The following PCGF5 variants were observed in gnomAD, a reference collection of about 807,000 sequenced individuals.
PCGF5 encodes the protein polycomb group ring finger 5.
In PCGF5, 9 loss-of-function variants were observed where a neutral mutation model predicts 44.3. The ratio of observed to expected loss-of-function variants is 0.20; its 90% CI spans 0.12 to 0.35. PCGF5 has a LOEUF of 0.35. Among genes scored for constraint, PCGF5 ranks in the 10% least tolerant of loss-of-function variants. The pLI is 1.00. For missense variants in PCGF5, 146 were observed against 305.3 expected (o/e 0.48, Z 3.89); for synonymous variants, 95 against 102.5 (o/e 0.93, Z 0.44).
intron 3 of PCGF5, among the ~76,000 whole-genome samples, chr10:91,244,613 G>A (rs1193512382): frequency 6.6e-6 from 1 of 152,184 alleles, no homozygotes; most frequent in Admixed American, 6.5e-5. Context: ...AACAAGGCAA[G>A]GGTAGAAGCA....
intron 1 of PCGF5, among the ~76,000 whole-genome samples, chr10:91,186,558 A>G (rs7902611): frequency 0.11 from 10,436 of 97,312 alleles, 959 homozygotes; most frequent in African/African-American, 0.28. Context: ...ATATATATAT[A>G]TGTGTGTGTG....
At chr10:91,171,137 C>G (rs1843596798) in intron 1 of PCGF5, among the ~76,000 whole-genome samples, 1 of 151,030 alleles carries the variant, frequency 6.6e-6, no homozygotes, top group Non-Finnish European at 1.5e-5. Flanking sequence ...AGTGAAACTA[C>G]TCTGTGATAT....
intron 8 of PCGF5, among the ~76,000 whole-genome samples, chr10:91,267,719 C>A: frequency 6.6e-6 from 1 of 152,160 alleles, no homozygotes; most frequent in East Asian, 1.9e-4. Context: ...CTAAAACAAT[C>A]ATTTCTTGAT....
chr10:91,233,806 A>C (rs763514550), intron 2 of PCGF5, among the ~76,000 whole-genome samples: 1 of 152,222 alleles, frequency 6.6e-6, no homozygotes, highest in Non-Finnish European at 1.5e-5. Flanking sequence ...GTGTATGAAG[A>C]TTGTGAACTG....
intron 3 of PCGF5, among the ~76,000 whole-genome samples, chr10:91,241,296 C>T (rs1028026757): frequency 3.3e-5 from 5 of 151,822 alleles, no homozygotes; most frequent in Admixed American, 6.6e-5. Flanking sequence ...CTCAAACTCC[C>T]GACCTCAGGT....
At chr10:91,178,164 G>A (rs7098577) in intron 1 of PCGF5, among the ~76,000 whole-genome samples, 55,878 of 151,918 alleles carry the variant, frequency 0.37, 10,922 homozygotes, top group East Asian at 0.52. Flanking sequence ...AAAAACATTG[G>A]CATAACTGTA....
chr10:91,170,199 A>G (rs1017102351), intron 1 of PCGF5, among the ~76,000 whole-genome samples: 1 of 152,234 alleles, frequency 6.6e-6, no homozygotes, highest in Non-Finnish European at 1.5e-5. Flanking sequence ...GAAAATCTGG[A>G]TGACCTTGGG....
intron 1 of PCGF5, among the ~76,000 whole-genome samples, chr10:91,182,806 G>A (rs574833083): frequency 4.9e-4 from 74 of 152,170 alleles, no homozygotes; most frequent in African/African-American, 1.7e-3. Flanking sequence ...TGAGATTCTG[G>A]TACATTGTAT....
At chr10:91,208,441 A>G (rs1369931942) in intron 1 of PCGF5, among the ~76,000 whole-genome samples, 1 of 152,168 alleles carries the variant, frequency 6.6e-6, no homozygotes. Flanking sequence ...TTAATTGTGT[A>G]TGAATCACCT....
intron 9 of PCGF5, among the ~76,000 whole-genome samples, chr10:91,277,101 T>C (rs1287898368): frequency 1.3e-5 from 2 of 152,228 alleles, no homozygotes; most frequent in Non-Finnish European, 2.9e-5. Context: ...TAGCATCTGC[T>C]GTACTTCACC....
intron 5 of PCGF5, among the ~76,000 whole-genome samples, chr10:91,249,371 GTATATATATATATATATATATA>G (rs3074316): frequency 0.087 from 10,480 of 120,482 alleles, 772 homozygotes; most frequent in East Asian, 0.33. Context: ...GGCTTTTAGT[GTATATATATATATATATATATA>G]TATATATATA....
intron 8 of PCGF5, among the ~76,000 whole-genome samples, chr10:91,266,188 GT>G (rs1011127435): frequency 2.0e-5 from 3 of 152,094 alleles, no homozygotes; most frequent in African/African-American, 7.2e-5. Flanking sequence ...TTCTTTGATA[GT>G]TTAGCGGGCA....
At chr10:91,262,406 C>T (rs770561165) in intron 7 of PCGF5, among the ~76,000 whole-genome samples, 6 of 151,938 alleles carry the variant, frequency 3.9e-5, no homozygotes, top group South Asian at 2.1e-4. Context: ...CCAGCCTGGG[C>T]GACAGAGTGA....
chr10:91,215,276 T>C (rs10881905), upstream of PCGF5, among the ~76,000 whole-genome samples: 43,955 of 152,128 alleles, frequency 0.29, 7,580 homozygotes, highest in East Asian at 0.68. Context: ...ATTGAAATGA[T>C]CTGGTATCAA....
chr10:91,188,538 T>C (rs903230547), intron 1 of PCGF5, among the ~76,000 whole-genome samples: 1 of 152,210 alleles, frequency 6.6e-6, no homozygotes, highest in African/African-American at 2.4e-5. Context: ...GCTAAGAAAT[T>C]GGAATCTTCT....
chr10:91,228,170 C>T (rs1026530547), intron 2 of PCGF5, among the ~76,000 whole-genome samples: 2 of 152,094 alleles, frequency 1.3e-5, no homozygotes, highest in African/African-American at 4.8e-5. Flanking sequence ...GTCTCTTTCA[C>T]CAGGTGACCC....
intron 5 of PCGF5, among the ~76,000 whole-genome samples, chr10:91,249,812 G>C (rs377348422): frequency 9.2e-5 from 14 of 151,898 alleles, no homozygotes; most frequent in African/African-American, 3.4e-4. Context: ...AAGAAGCTAA[G>C]CCTGGCCAAA....
At chr10:91,234,161 G>A (rs1349217431) in intron 2 of PCGF5, among the ~76,000 whole-genome samples, 1 of 152,162 alleles carries the variant, frequency 6.6e-6, no homozygotes, top group East Asian at 1.9e-4. Flanking sequence ...TTGAAAATAG[G>A]AAATAGGATA....
the PCGF5 span, among the ~76,000 whole-genome samples, chr10:91,156,304 AT>A: frequency 6.6e-6 from 1 of 152,176 alleles, no homozygotes; most frequent in Non-Finnish European, 1.5e-5. Flanking sequence ...ATTTTATTCT[AT>A]TTTTAGCATC....
Sources: allele counts gnomAD v4.1 joint callset (sites outside exome capture counted in the v4.1 genomes callset), GRCh38; gene constraint gnomAD v4.1.1; transcripts MANE v1.5; gene names NCBI Gene and HGNC (gene_info 2026-07-23, HGNC 2026-07-21).